The following VPS13D variants were observed in gnomAD, a reference collection of about 807,000 sequenced individuals.
VPS13D encodes intermembrane lipid transfer protein VPS13D.
VPS13D carries 187 observed loss-of-function variants against 461.9 expected under a neutral mutation model. The observed-to-expected ratio is 0.40, with a 90% confidence interval of 0.36 to 0.46. The LOEUF (loss-of-function observed/expected upper bound fraction) is 0.46, where lower values mean the gene tolerates loss of function less well. Among genes scored for constraint, VPS13D ranks in the 20% least tolerant of loss-of-function variants. The pLI is 0.60. For missense variants in VPS13D, 4,711 were observed against 5,364.9 expected, an observed-to-expected ratio of 0.88 and a Z score of 3.81; for synonymous variants, 1,951 against 1,986.3, an observed-to-expected ratio of 0.98 and a Z score of 0.47.
chr1:12,304,358 G>A (rs377379142), intron 25 of VPS13D, 148 bp from the exon 26 acceptor site: 1 of 679,594 alleles, frequency 1.5e-6, no homozygotes, highest in Non-Finnish European at 2.4e-6. Flanking sequence ...ATGGGATCTG[G>A]GAGGCTGAGG....
intron 32 of VPS13D, among the ~76,000 whole-genome samples, chr1:12,321,166 A>G (rs1264597630): frequency 1.3e-5 from 2 of 152,218 alleles, no homozygotes; most frequent in Admixed American, 6.5e-5. Flanking sequence ...ACCTTTTATT[A>G]TAGAACATTT....
At chr1:12,240,883 ATTGTAT>A (rs1640332089) in intron 2 of VPS13D, among the ~76,000 whole-genome samples, 1 of 151,636 alleles carries the variant, frequency 6.6e-6, no homozygotes, top group Admixed American at 6.6e-5. Context: ...AAATAAATTG[ATTGTAT>A]TTGTTCAGAT....
intron 68 of VPS13D, chr1:12,499,867 GTT>G: frequency 1.0e-6 from 1 of 985,382 alleles, no homozygotes; most frequent in Non-Finnish European, 1.2e-6. Flanking sequence ...CAAGAAAGGA[GTT>G]TTCAGGAAAA....
intron 12 of VPS13D, among the ~76,000 whole-genome samples, 178 bp from the exon 13 acceptor site, chr1:12,261,723 A>G (rs1036830804): frequency 1.3e-5 from 2 of 152,236 alleles, no homozygotes; most frequent in Admixed American, 6.5e-5. Flanking sequence ...TTAAAAAACA[A>G]TTAGGGTTGT....
chr1:12,308,676 C>T lies in VPS13D; in HGVS notation c.6650+35C>T, dbSNP rs371641052. 144 of 1,594,446 alleles carry T rather than the reference C, an allele frequency of 9.0e-5. No individual in the cohort carries two copies. The African/African-American group carries it at 9.8e-4, about 11-fold the overall frequency. ...TTTTTTTTTTTTTGAGATGGAGTCTCGCTCTGTTCACCAGGCAGGGTGGAG... is the reference window on the plus strand; with the variant it reads ...TTTTTTTTTTTTTGAGATGGAGTCTTGCTCTGTTCACCAGGCAGGGTGGAG... On this transcript the variant is annotated intron_variant, in intron 27 of 69. Coordinates refer to ENST00000620676, the MANE Select transcript of VPS13D (RefSeq NM_015378.4).
chr1:12,247,491 TAAAA>T (rs1228939205), intron 5 of VPS13D, among the ~76,000 whole-genome samples: 2 of 149,206 alleles, frequency 1.3e-5, no homozygotes, highest in Non-Finnish European at 3.0e-5. Context: ...AGAAAAAAAT[TAAAA>T]AAAACCCAAA....
intron 65 of VPS13D, among the ~76,000 whole-genome samples, chr1:12,420,525 G>A (rs1453541116): frequency 1.3e-5 from 2 of 152,250 alleles, no homozygotes; most frequent in Non-Finnish European, 2.9e-5. Flanking sequence ...GGCTTTGAGT[G>A]TAGTGGAGAA....
At chr1:12,357,167 T>TG (rs1287234049) in intron 49 of VPS13D, among the ~76,000 whole-genome samples, 1 of 152,218 alleles carries the variant, frequency 6.6e-6, no homozygotes, top group Non-Finnish European at 1.5e-5. Flanking sequence ...CAAAGATAAA[T>TG]GGGTGTATCC....
At chr1:12,418,300 T>C (rs1013581728) in intron 65 of VPS13D, among the ~76,000 whole-genome samples, 8 of 152,204 alleles carry the variant, frequency 5.3e-5, no homozygotes, top group Admixed American at 4.6e-4. Context: ...TTTTCTGCCT[T>C]GAATCCTTTC....
chr1:12,240,141 C>T (rs1470090014), intron 2 of VPS13D, among the ~76,000 whole-genome samples: 1 of 152,078 alleles, frequency 6.6e-6, no homozygotes, highest in African/African-American at 2.4e-5. Context: ...TTTACATTCT[C>T]TCTCTCCTTT....
chr1:12,460,125 TA>T, intron 66 of VPS13D, 75 bp from the exon 67 acceptor site: 1 of 1,344,480 alleles, frequency 7.4e-7, no homozygotes, highest in Non-Finnish European at 1.0e-6. Context: ...TATCATTCCA[TA>T]ATCAAGGGGT....
chr1:12,310,328 CT>C (rs1642697461), intron 27 of VPS13D, among the ~76,000 whole-genome samples: 1 of 152,190 alleles, frequency 6.6e-6, no homozygotes, highest in Non-Finnish European at 1.5e-5. Context: ...TGTATGTCGG[CT>C]TTTCTCTGCA....
Position 12,277,421 on chromosome 1 carries a change from C to G in VPS13D, c.3833C>G (p.Ser1278Cys), listed in dbSNP as rs767657371. ...TTGAGTTTCACGTTTGTTGAGAGATCTAAACAGGAGTGTTTTCTCAACCTG... is the reference window on the plus strand; with the variant it reads ...TTGAGTTTCACGTTTGTTGAGAGATGTAAACAGGAGTGTTTTCTCAACCTG... The part of the protein sequence containing the change: ...EALSFTFVER[S>C]KQECFLNLKM... The change falls in exon 19 of 70, where the codon TCT becomes TGT. Residue 1278 changes from serine (S) to cysteine (C), a missense_variant. Physicochemically the swap from Ser to Cys is moderately radical, Grantham distance 112. This residue lies in a region of VPS13D where 4,411 missense variants were observed against 4,937.8 expected (regional missense o/e 0.89). Coordinates refer to ENST00000620676, the MANE Select transcript of VPS13D (RefSeq NM_015378.4). The G allele has an allele frequency of 7.4e-6, 12 of 1,614,090 alleles. No homozygotes were observed. The East Asian group carries it at 8.9e-5, about 12-fold the overall frequency.
intron 62 of VPS13D, among the ~76,000 whole-genome samples, chr1:12,402,391 G>GT (rs1644593183): frequency 6.6e-6 from 1 of 152,158 alleles, no homozygotes; most frequent in Non-Finnish European, 1.5e-5. Context: ...AAAAAAGTCA[G>GT]TAATACTCAG....
intron 13 of VPS13D, 30 bp downstream of exon 13, chr1:12,262,110 C>T (rs940725633): frequency 6.3e-7 from 1 of 1,587,334 alleles, no homozygotes; most frequent in Non-Finnish European, 8.6e-7. Context: ...CTACCTGCCA[C>T]TGTTGTCTCT....
chr1:12,277,254 T>C lies in VPS13D; in HGVS notation c.3666T>C (p.Leu1222=), dbSNP rs147205990. 645 of 1,614,238 alleles carry C rather than the reference T, an allele frequency of 4.0e-4. 5 individuals are homozygous for C. In the African/African-American group the frequency reaches 6.6e-3, roughly 16 times the overall value. Residue 1222 remains leucine, a synonymous_variant, in exon 19 of 70, where the codon CTT becomes CTC. Coordinates refer to ENST00000620676, the MANE Select transcript of VPS13D (RefSeq NM_015378.4). ...DMNGSLGCLQ[L]MDLTQDNVKN... ...ATGGTTCTCTTGGCTGTTTACAGCT[T>C]ATGGATTTGACACAAGATAACGTTA...
At chr1:12,273,244 A>C in intron 18 of VPS13D, 109 bp downstream of exon 18, 3 of 1,329,926 alleles carry the variant, frequency 2.3e-6, no homozygotes, top group Non-Finnish European at 3.0e-6. Flanking sequence ...TTTTATATGT[A>C]ACATTTTTAA....
Position 12,460,389 on chromosome 1 carries a change from G to A in VPS13D, c.12655G>A (p.Gly4219Ser), listed in dbSNP as rs1269675003. 3.1e-6 allele frequency: 5 copies of A among 1,596,332 alleles called. No individual in the cohort carries two copies. The highest frequency in any genetic ancestry group is 1.1e-5 in the South Asian group (1 of 88,278). Reference sequence around the variant, plus strand: ...GGTGAGAGACACAGCCACACTCAGCGGCCCCAGGTCAGTGGTGTGGGAAGA... The same window carrying A: ...GGTGAGAGACACAGCCACACTCAGCAGCCCCAGGTCAGTGGTGTGGGAAGA... Reference protein sequence around the residue: ...QAVRDTATLSGPRTQAQRVRK... With the variant: ...QAVRDTATLSSPRTQAQRVRK... Residue 4219 changes from glycine to serine, a missense_variant, in exon 67 of 70, where the codon GGC becomes AGC. Physicochemically the swap from Gly to Ser is moderately conservative, Grantham distance 56. Coordinates refer to ENST00000620676, the MANE Select transcript of VPS13D (RefSeq NM_015378.4).
In VPS13D at chr1:12,403,879, C is replaced by G. The variant is rs1166310054; in HGVS notation, c.11936C>G (p.Thr3979Arg). The G allele has an allele frequency of 6.2e-7, 1 of 1,612,450 alleles. No homozygotes were observed. The highest frequency in any genetic ancestry group is 8.5e-7 in the Non-Finnish European group (1 of 1,179,588). The change falls in exon 63 of 70, where the codon ACA becomes AGA. Residue 3979 changes from threonine to arginine, a missense_variant. Physicochemically the swap from Thr to Arg is moderately conservative, Grantham distance 71. Around this residue, in one of 3 missense-constraint regions of VPS13D, gnomAD observed 4,411 missense variants for 4,937.8 expected, o/e 0.89. Coordinates refer to ENST00000620676, the MANE Select transcript of VPS13D (RefSeq NM_015378.4). ...GAAAAGACAGCTGAGCAAGGTGGAA[C>G]ACCAATTCGATACTACTTTGAAAAT... ...LHEKTAEQGGTPIRYYFENLK... is the reference protein window; with the variant it reads ...LHEKTAEQGGRPIRYYFENLK...
Sources: gnomAD v4.1 joint callset for allele counts (sites outside exome capture counted in the v4.1 genomes callset) on GRCh38, gnomAD v4.1.1 for gene constraint, gnomAD v4.1.1 regional missense constraint, MANE v1.5 for transcripts, NCBI Gene and HGNC (gene_info 2026-07-23, HGNC 2026-07-21) for gene names.